The following ZNF621 variants were observed in gnomAD, a reference collection of about 807,000 sequenced individuals.
The protein encoded by ZNF621 is zinc finger protein 621.
ZNF621 carries 6 observed loss-of-function variants against 12.7 expected under a neutral mutation model. That is an observed-to-expected ratio of 0.47 (90% CI 0.26 to 0.93). ZNF621 has a LOEUF of 0.93. Ranked by LOEUF, ZNF621 falls within the 40% of genes least tolerant of loss-of-function variation. The pLI is 0.15. For missense variants in ZNF621, 474 were observed against 524.0 expected, an observed-to-expected ratio of 0.90 and a Z score of 0.93; for synonymous variants, 156 against 190.3, an observed-to-expected ratio of 0.82 and a Z score of 1.48.
At chr3:40,526,493 G>A (rs1698586452) in intron 2 of ZNF621, among the ~76,000 whole-genome samples, 1 of 152,148 alleles carries the variant, frequency 6.6e-6, no homozygotes, top group Admixed American at 6.5e-5. Context: ...TTCTTTATTG[G>A]AGAGATTGCC....
Position 40,537,467 on chromosome 3 carries a change from G to A in ZNF621, c.*4377G>A, listed in dbSNP as rs980678303. 7.2e-5 allele frequency: 11 copies of A among 152,206 alleles called. No homozygotes were observed. Among genetic ancestry groups the A allele is most frequent in the African/African-American group, 2.2e-4 (9 of 41,428 alleles). 9.4% of individuals were successfully genotyped at this position (152,206 alleles called of 1,614,324 possible). A position where few individuals can be genotyped will look rare whatever the true frequency, so the allele number is the denominator to read the frequency against. ...AAAATTAAAAATTTAGCTGGGTGTG[G>A]TTGTGCATGCCTGTAGTCCGATCTA... On this transcript the variant is annotated 3_prime_UTR_variant, in exon 5 of 5. Transcript: ENST00000339296.
chr3:40,532,317 G>A lies in ZNF621; in HGVS notation c.547G>A (p.Glu183Lys). The change falls in exon 5 of 5, where the codon GAG becomes AAG. Residue 183 changes from glutamate (E) to lysine (K), a missense_variant. Transcript: ENST00000339296. ...HTGEKPFKCK[E>K]CGKAFKSSYD... ...TGGGGAAAAGCCCTTTAAGTGTAAGGAGTGTGGCAAAGCTTTCAAGTCCAG... is the reference window on the plus strand; with the variant it reads ...TGGGGAAAAGCCCTTTAAGTGTAAGAAGTGTGGCAAAGCTTTCAAGTCCAG... 1 of 1,612,326 alleles carries A rather than the reference G, an allele frequency of 6.2e-7. No homozygotes were observed. Among genetic ancestry groups the A allele is most frequent in the Non-Finnish European group, 8.5e-7 (1 of 1,180,042 alleles).
chr3:40,533,051 T>A lies in ZNF621; in HGVS notation c.1281T>A (p.Pro427=), dbSNP rs1250127943. 1.3e-6 allele frequency: 2 copies of A among 1,551,658 alleles called. No homozygotes were observed. Among genetic ancestry groups the A allele is most frequent in the Non-Finnish European group, 1.7e-6 (2 of 1,147,012 alleles). ...AGGGTCTTACTCCCACTGTGAAACC[T>A]TCCCCAGTTATTCTCACCCCTTCTT... ...VFQGLTPTVK[P]SPVILTPSSH... is the part of the protein sequence containing the mutation. The change falls in exon 5 of 5, where the codon CCT becomes CCA. Residue 427 remains proline (P), a synonymous_variant. Transcript: ENST00000339296.
chr3:40,526,749 G>A (rs1461058143), intron 2 of ZNF621, among the ~76,000 whole-genome samples: 4 of 152,180 alleles, frequency 2.6e-5, no homozygotes, highest in Non-Finnish European at 5.9e-5. Flanking sequence ...TTAAGCAGGG[G>A]GATGACATGG....
rs1698911493 is a variant in ZNF621, at chr3:40,538,049, C to T, written c.*4959C>T. Among the ~76,000 whole-genome samples, 1 of 152,178 alleles carries T rather than the reference C, an allele frequency of 6.6e-6. No homozygotes were observed. Among genetic ancestry groups the T allele is most frequent in the Non-Finnish European group, 1.5e-5 (1 of 68,036 alleles). ...TGCAGCTGGTAACTTTAAGTTGAAGCCAATGCTCATTTACCATTCAGAAAA... is the reference window on the plus strand; with the variant it reads ...TGCAGCTGGTAACTTTAAGTTGAAGTCAATGCTCATTTACCATTCAGAAAA... On this transcript the variant is annotated 3_prime_UTR_variant, in exon 5 of 5. Coordinates refer to ENST00000339296, the MANE Select transcript of ZNF621 (RefSeq NM_198484.5).
At position 40,538,198 on chromosome 3, in the gene ZNF621, T is replaced by G. The variant is rs781525546; in HGVS notation, c.*5108T>G. The G allele has an allele frequency of 5.0e-6, 2 of 400,138 alleles. No individual in the cohort carries two copies. Among genetic ancestry groups the G allele is most frequent in the Non-Finnish European group, 9.8e-6 (2 of 203,778 alleles). The allele number at this position is 400,138 out of a possible 1,614,324, so 24.8% of individuals were successfully genotyped here. On this transcript the variant is annotated 3_prime_UTR_variant, in exon 5 of 5. Transcript: ENST00000339296. ...TTACTGAATATTTTAAGCCCACTGT[T>G]GAGACCTACTAAATATTAGGAAAAA...
chr3:40,532,442 A>G lies in ZNF621; in HGVS notation c.672A>G (p.Gln224=), dbSNP rs768488284. The change falls in exon 5 of 5, where the codon CAA becomes CAG. Residue 224 remains glutamine (Q), a synonymous_variant. Coordinates refer to ENST00000339296, the MANE Select transcript of ZNF621 (RefSeq NM_198484.5). ...TGAGTTCCAACACAGCCTTGACTCA[A>G]CATCAGAGGATCCACACTGGAGAGA... ...KGLSSNTALT[Q]HQRIHTGEKP... The G allele has an allele frequency of 1.9e-6, 3 of 1,613,720 alleles. No individual in the cohort carries two copies. Among genetic ancestry groups the G allele is most frequent in the Non-Finnish European group, 2.5e-6 (3 of 1,179,922 alleles).
chr3:40,537,088 A>G lies in ZNF621; in HGVS notation c.*3998A>G, dbSNP rs753584726. 2.0e-5 allele frequency: 3 copies of G among 152,156 alleles called. No individual in the cohort carries two copies. The highest frequency in any genetic ancestry group is 1.9e-4 in the East Asian group (1 of 5,200). 9.4% of individuals were successfully genotyped at this position (152,156 alleles called of 1,614,324 possible). A position where few individuals can be genotyped will look rare whatever the true frequency, so the allele number is the denominator to read the frequency against. On this transcript the variant is annotated 3_prime_UTR_variant, in exon 5 of 5. Coordinates refer to ENST00000339296, the MANE Select transcript of ZNF621 (RefSeq NM_198484.5). ...ACACAACAGTATTGAAATTAGACCAATTGATAACCTTACAAACACCTTTAA... is the reference window on the plus strand; with the variant it reads ...ACACAACAGTATTGAAATTAGACCAGTTGATAACCTTACAAACACCTTTAA...
At chr3:40,528,419 A>T (rs916819700) in intron 2 of ZNF621, among the ~76,000 whole-genome samples, 1 of 152,108 alleles carries the variant, frequency 6.6e-6, no homozygotes, top group African/African-American at 2.4e-5. Flanking sequence ...GTTGCTTCCA[A>T]GTTTTGGCGA....
In ZNF621 at chr3:40,539,245, G is replaced by C. The variant is rs1157011824; in HGVS notation, c.*6155G>C. 1 of 152,376 alleles carries C rather than the reference G, an allele frequency of 6.6e-6. No individual in the cohort carries two copies. The highest frequency in any genetic ancestry group is 2.4e-5 in the African/African-American group (1 of 41,430). The allele number at this position is 152,376 out of a possible 1,614,324, so 9.4% of individuals were successfully genotyped here. ...ATGCTACAGATAAATCTTTCGGAAA[G>C]GAAGAGTCAGTTGATGTTGCAGCCT... On this transcript the variant is annotated 3_prime_UTR_variant, in exon 5 of 5. Coordinates refer to ENST00000339296, the MANE Select transcript of ZNF621 (RefSeq NM_198484.5).
At chr3:40,525,914 A>T in intron 2 of ZNF621, 50 bp downstream of exon 2, 1 of 1,604,128 alleles carries the variant, frequency 6.2e-7, no homozygotes, top group Non-Finnish European at 8.5e-7. Flanking sequence ...ATGTTTTTTT[A>T]CTCACATTAG....
rs1406028708 is a variant in ZNF621, at chr3:40,533,451, T to C, written c.*361T>C. 1.8e-5 allele frequency: 4 copies of C among 223,588 alleles called. No individual in the cohort carries two copies. The highest frequency in any genetic ancestry group is 2.7e-5 in the Non-Finnish European group (3 of 111,926). The allele number at this position is 223,588 out of a possible 1,614,324, so 13.9% of individuals were successfully genotyped here. A position where few individuals can be genotyped will look rare whatever the true frequency, so the allele number is the denominator to read the frequency against. ...CCACTGTGCCCAGCCTCCAACCTAATTTGAGTTTCATTTGTATTTTTTTCA... is the reference window on the plus strand; with the variant it reads ...CCACTGTGCCCAGCCTCCAACCTAACTTGAGTTTCATTTGTATTTTTTTCA... On this transcript the variant is annotated 3_prime_UTR_variant, in exon 5 of 5. Transcript: ENST00000339296.
chr3:40,525,427 A>G (rs1316505372), intron 1 of ZNF621, 153 bp downstream of exon 1: 1 of 279,762 alleles, frequency 3.6e-6, no homozygotes, highest in Non-Finnish European at 6.7e-6. Flanking sequence ...TCTTCTCCTG[A>G]GGTTCTTTCT....
rs1448931008 is a variant in ZNF621, at chr3:40,534,790, T to C, written c.*1700T>C. ...GTCTCCATTAACTCCCTTGCCCTTCTCTTGCTTTGTCATGCTCGCTTGGCA... is the reference window on the plus strand; with the variant it reads ...GTCTCCATTAACTCCCTTGCCCTTCCCTTGCTTTGTCATGCTCGCTTGGCA... On this transcript the variant is annotated 3_prime_UTR_variant, in exon 5 of 5. Coordinates refer to ENST00000339296, the MANE Select transcript of ZNF621 (RefSeq NM_198484.5). 1 of 152,178 alleles carries C rather than the reference T, an allele frequency of 6.6e-6. No homozygotes were observed. The highest frequency in any genetic ancestry group is 1.5e-5 in the Non-Finnish European group (1 of 68,038). 9.4% of individuals were successfully genotyped at this position (152,178 alleles called of 1,614,324 possible). A position where few individuals can be genotyped will look rare whatever the true frequency, so the allele number is the denominator to read the frequency against.
rs192265071 is a variant in ZNF621, at chr3:40,530,108, A to G, written c.152-101A>G. On this transcript the variant is annotated intron_variant, in intron 3 of 4. Coordinates refer to ENST00000339296, the MANE Select transcript of ZNF621 (RefSeq NM_198484.5). Reference sequence around the variant, plus strand: ...CTCTCACTTGGTCTGCTGGTGTTCAATTTCTCTCCCAAGTAGCCTGATGGA... The same window carrying G: ...CTCTCACTTGGTCTGCTGGTGTTCAGTTTCTCTCCCAAGTAGCCTGATGGA... 931 of 936,304 alleles carry G rather than the reference A, an allele frequency of 9.9e-4. 6 individuals are homozygous for G. In the African/African-American group the frequency reaches 0.013, roughly 13 times the overall value. 58.0% of individuals were successfully genotyped at this position (936,304 alleles called of 1,614,324 possible).
rs969410416 is a variant in ZNF621, at chr3:40,535,568, G to A, written c.*2478G>A. On this transcript the variant is annotated 3_prime_UTR_variant, in exon 5 of 5. Transcript: ENST00000339296. Reference sequence around the variant, plus strand: ...CACCAGGAAGGTCGTTTCACATTCTGTAGTAAAAATACCCCTACAATCATT... The same window carrying A: ...CACCAGGAAGGTCGTTTCACATTCTATAGTAAAAATACCCCTACAATCATT... 1 of 152,168 alleles carries A rather than the reference G, an allele frequency of 6.6e-6. No homozygotes were observed. The highest frequency in any genetic ancestry group is 1.5e-5 in the Non-Finnish European group (1 of 68,052). 9.4% of individuals were successfully genotyped at this position (152,168 alleles called of 1,614,324 possible).
At chr3:40,528,087 A>G in intron 2 of ZNF621, among the ~76,000 whole-genome samples, 1 of 152,236 alleles carries the variant, frequency 6.6e-6, no homozygotes, top group East Asian at 1.9e-4. Context: ...ATAGTATTAT[A>G]TAAGCAGAAT....
Position 40,530,316 on chromosome 3 carries a change from G to A in ZNF621, c.259G>A (p.Gly87Ser), listed in dbSNP as rs200611775. ...DTEILRGISQ[G>S]GESWIKNEGL... ...CGAGATTCTGAGAGGCATCAGTCAA[G>A]GTGAGTATGAGAATCCAGTGGTGAA... Residue 87 changes from glycine (G) to serine (S), a missense_variant and splice_region_variant, in exon 4 of 5, where the codon GGT becomes AGT. Coordinates refer to ENST00000339296, the MANE Select transcript of ZNF621 (RefSeq NM_198484.5). The A allele has an allele frequency of 1.0e-4, 161 of 1,613,190 alleles. 2 individuals carry two copies. The South Asian group carries it at 1.7e-3, about 17-fold the overall frequency.
intron 4 of ZNF621, 126 bp downstream of exon 4, chr3:40,530,442 T>C (rs1212618815): frequency 6.8e-6 from 5 of 735,404 alleles, no homozygotes; most frequent in Non-Finnish European, 1.1e-5. Flanking sequence ...CACTGTACTC[T>C]CTGACCTCAC....
Sources: gnomAD v4.1 joint callset for allele counts (sites outside exome capture counted in the v4.1 genomes callset) on GRCh38, gnomAD v4.1.1 for gene constraint, MANE v1.5 for transcripts, NCBI Gene and HGNC (gene_info 2026-07-23, HGNC 2026-07-21) for gene names.